KPNA1: variants seen among roughly 807,000 people sequenced by gnomAD.
KPNA1 encodes karyopherin subunit alpha 1, also known as importin subunit alpha-5.
A neutral mutation model predicts 70.5 loss-of-function variants in KPNA1; 10 were observed. That is an observed-to-expected ratio of 0.14 (90% CI 0.09 to 0.24). The LOEUF is 0.24. Ranked by LOEUF, KPNA1 falls within the 10% of genes least tolerant of loss-of-function variation. The probability of loss-of-function intolerance (pLI) is 1.00; values close to 1 mark genes in which losing one functional copy is unlikely to be tolerated. For missense variants in KPNA1, 397 were observed against 637.9 expected (o/e 0.62, Z 4.07); for synonymous variants, 192 against 221.9 (o/e 0.87, Z 1.20).
intron 11 of KPNA1, among the ~76,000 whole-genome samples, chr3:122,436,745 A>C (rs1040841663): frequency 6.6e-6 from 1 of 152,204 alleles, no homozygotes; most frequent in Non-Finnish European, 1.5e-5. Context: ...AACAACATTG[A>C]AAGTGGTCTT....
At chr3:122,483,695 T>G (rs2076597529) in intron 2 of KPNA1, among the ~76,000 whole-genome samples, 1 of 152,176 alleles carries the variant, frequency 6.6e-6, no homozygotes, top group Non-Finnish European at 1.5e-5. Flanking sequence ...TTCTAGTAGC[T>G]CTAGAAACAT....
At chr3:122,455,753 A>G (rs754991119) in intron 5 of KPNA1, among the ~76,000 whole-genome samples, 16 of 151,990 alleles carry the variant, frequency 1.1e-4, no homozygotes, top group Non-Finnish European at 1.9e-4. Flanking sequence ...ACGAGGTTTC[A>G]TCATGTTTGT....
chr3:122,475,065 T>C (rs970093365), intron 2 of KPNA1, among the ~76,000 whole-genome samples: 1 of 152,064 alleles, frequency 6.6e-6, no homozygotes, highest in Non-Finnish European at 1.5e-5. Flanking sequence ...AGAAATGAAA[T>C]TGTCCCTGAT....
At chr3:122,442,516 C>T (rs573594867) in intron 9 of KPNA1, among the ~76,000 whole-genome samples, 9 of 152,174 alleles carry the variant, frequency 5.9e-5, no homozygotes, top group East Asian at 1.9e-4. Flanking sequence ...AATTTTCAGA[C>T]GTAAAAGTGA....
intron 2 of KPNA1, among the ~76,000 whole-genome samples, chr3:122,471,406 A>G (rs1298904896): frequency 1.3e-5 from 2 of 152,262 alleles, no homozygotes; most frequent in Admixed American, 6.5e-5. Context: ...TTGGCAAAAA[A>G]TAAAGACTAA....
intron 1 of KPNA1, among the ~76,000 whole-genome samples, chr3:122,512,751 A>T (rs973914967): frequency 2.0e-5 from 3 of 152,218 alleles, no homozygotes; most frequent in African/African-American, 7.2e-5. Context: ...AAATACCATA[A>T]TGCAAGTATA....
At chr3:122,506,219 T>G (rs533672050) in intron 1 of KPNA1, among the ~76,000 whole-genome samples, 1 of 152,218 alleles carries the variant, frequency 6.6e-6, no homozygotes, top group Non-Finnish European at 1.5e-5. Context: ...CATAATACTC[T>G]TGTGGAACAA....
In KPNA1 at chr3:122,437,241, T is replaced by C; in HGVS notation, c.1051A>G (p.Lys351Glu). ...QSLLHLLSSP[K>E]ESIKKEACWT... The stretch of plus-strand genomic sequence containing the variant: ...CATGCTTCCTTTTTGATAGATTCCT[T>C]TGGGCTACTCAGCAAATGCAATAAA... The change falls in exon 11 of 14, where the codon AAG becomes GAG. Residue 351 changes from lysine (K) to glutamate (E), a missense_variant. Transcript: ENST00000344337. 6.2e-7 allele frequency: 1 copy of C among 1,613,876 alleles called. No homozygotes were observed.
At position 122,470,606 on chromosome 3, in the gene KPNA1, G is replaced by A. The variant is rs1175078083; in HGVS notation, c.130-3177C>T. 2.0e-5 allele frequency among the ~76,000 whole-genome samples: 3 copies of A among 151,730 alleles called. No individual in the cohort carries two copies. The East Asian group carries it at 5.8e-4, about 29-fold the overall frequency. On this transcript the variant is annotated intron_variant, in intron 2 of 13. Coordinates refer to ENST00000344337, the MANE Select transcript of KPNA1 (RefSeq NM_002264.4). Reference sequence around the variant, plus strand: ...CAGCAATGATACAAGGAATGGAAGGGAGAAACAGGATTATCTTATAGTAAG... The same window carrying A: ...CAGCAATGATACAAGGAATGGAAGGAAGAAACAGGATTATCTTATAGTAAG...
chr3:122,483,208 C>T (rs1300916262), intron 2 of KPNA1: 1 of 152,374 alleles, frequency 6.6e-6, no homozygotes, highest in Admixed American at 6.6e-5. Flanking sequence ...CTACAGAAAA[C>T]AGAGAAACTA....
intron 13 of KPNA1, 131 bp from the exon 14 acceptor site, chr3:122,427,303 C>T (rs371990562): frequency 1.5e-5 from 12 of 776,950 alleles, no homozygotes; most frequent in East Asian, 8.1e-5. Context: ...TTATTTGTAT[C>T]TCATAAGTAT....
intron 5 of KPNA1, among the ~76,000 whole-genome samples, chr3:122,455,164 C>T (rs958304836): frequency 5.3e-5 from 8 of 152,168 alleles, no homozygotes; most frequent in African/African-American, 1.9e-4. Flanking sequence ...AAACTAAATT[C>T]ATTAATCTTT....
At chr3:122,512,561 T>C (rs2076966892) in intron 1 of KPNA1, among the ~76,000 whole-genome samples, 1 of 151,996 alleles carries the variant, frequency 6.6e-6, no homozygotes, top group African/African-American at 2.4e-5. Flanking sequence ...CCGTCTCTAC[T>C]AAAATACAAA....
At chr3:122,458,470 A>G (rs2076288063) in intron 5 of KPNA1, among the ~76,000 whole-genome samples, 2 of 152,242 alleles carry the variant, frequency 1.3e-5, no homozygotes. Context: ...TTGGGAAGCC[A>G]GAAAGAACAT....
chr3:122,437,736 A>G (rs1022722403), intron 10 of KPNA1, among the ~76,000 whole-genome samples: 2 of 152,218 alleles, frequency 1.3e-5, no homozygotes, highest in African/African-American at 2.4e-5. Flanking sequence ...TACAAAGATA[A>G]AAAAGATATG....
In KPNA1 at chr3:122,426,614, GT is replaced by G. The variant is rs775634824; in HGVS notation, c.*370del. The G allele has an allele frequency of 7.5e-4, 131 of 174,470 alleles. 1 individual carries two copies. Among genetic ancestry groups the G allele is most frequent in the Non-Finnish European group, 1.4e-3 (117 of 82,784 alleles). The allele number at this position is 174,470 out of a possible 1,614,324, so 10.8% of individuals were successfully genotyped here. A position where few individuals can be genotyped will look rare whatever the true frequency, so the allele number is the denominator to read the frequency against. ...GATTTAGTCTCATCTTTTAATGTCA[GT>G]TTTTTCCCCCATGTTAAAGGGAATG... On this transcript the variant is annotated 3_prime_UTR_variant, in exon 14 of 14. Transcript: ENST00000344337.
In KPNA1 at chr3:122,467,422, T is replaced by C. The variant is rs1419253160; in HGVS notation, c.137A>G (p.Lys46Arg). 6.3e-7 allele frequency: 1 copy of C among 1,597,736 alleles called. No individual in the cohort carries two copies. The highest frequency in any genetic ancestry group is 8.6e-7 in the Non-Finnish European group (1 of 1,167,560). ...TTCTGCTGTAGCAACATTTCTCCGC[T>C]TGAATAACTGAAAGATAAAAGATTG... ...RKQKREEQLF[K>R]RRNVATAEEE... is the part of the protein sequence containing the mutation. The change falls in exon 3 of 14, where the codon AAG (lysine) becomes AGG (arginine). Residue 46 changes from lysine to arginine, a missense_variant. Lys to Arg is a conservative substitution (Grantham distance 26). Coordinates refer to ENST00000344337, the MANE Select transcript of KPNA1 (RefSeq NM_002264.4).
At chr3:122,431,788 G>GT (rs1387327117) in intron 12 of KPNA1, among the ~76,000 whole-genome samples, 1 of 151,180 alleles carries the variant, frequency 6.6e-6, no homozygotes, top group Non-Finnish European at 1.5e-5. Context: ...TATGTTTATG[G>GT]TTTATTTCTT....
At chr3:122,464,733 C>T (rs1274731831) in intron 3 of KPNA1, among the ~76,000 whole-genome samples, 4 of 152,230 alleles carry the variant, frequency 2.6e-5, no homozygotes, top group Non-Finnish European at 5.9e-5. Context: ...CACCATAACT[C>T]ATCCCCAGTA....
Sources: gnomAD v4.1 joint callset for allele counts (sites outside exome capture counted in the v4.1 genomes callset) on GRCh38, gnomAD v4.1.1 for gene constraint, MANE v1.5 for transcripts, NCBI Gene and HGNC (gene_info 2026-07-23, HGNC 2026-07-21) for gene names.